The following IFT140 variants were observed in gnomAD, a reference collection of about 807,000 sequenced individuals.
IFT140 encodes the protein intraflagellar transport 140, also known as intraflagellar transport protein 140 homolog.
A neutral mutation model predicts 164.6 loss-of-function variants in IFT140; 133 were observed. The observed-to-expected ratio is 0.81, with a 90% confidence interval of 0.70 to 0.93. IFT140 has a LOEUF of 0.93. IFT140 is among the 40% of genes least tolerant of loss of function. The pLI is 0.00. For missense variants in IFT140, 2,045 were observed against 1,972.3 expected (o/e 1.04, Z -0.70); for synonymous variants, 860 against 817.3 (o/e 1.05, Z -0.89).
At chr16:1,521,129 T>A (rs2040514746) in intron 26 of IFT140, among the ~76,000 whole-genome samples, 1 of 152,206 alleles carries the variant, frequency 6.6e-6, no homozygotes, top group Non-Finnish European at 1.5e-5. Flanking sequence ...TTTTTAAAGT[T>A]AAATTTTTGA....
intron 3 of IFT140, among the ~76,000 whole-genome samples, chr16:1,605,749 G>T (rs1253791749): frequency 6.6e-6 from 1 of 152,124 alleles, no homozygotes; most frequent in Non-Finnish European, 1.5e-5. Flanking sequence ...CACCGAGAGG[G>T]TGATTATCGA....
At chr16:1,537,773 G>A (rs2031219586) in intron 19 of IFT140, among the ~76,000 whole-genome samples, 1 of 152,228 alleles carries the variant, frequency 6.6e-6, no homozygotes, top group Admixed American at 6.5e-5. Context: ...AGATGACCGT[G>A]TGATTGAATC....
intron 19 of IFT140, among the ~76,000 whole-genome samples, chr16:1,543,020 C>G (rs2031796649): frequency 6.6e-6 from 1 of 152,262 alleles, no homozygotes; most frequent in Admixed American, 6.5e-5. Context: ...GGGGGCTCTG[C>G]TGGTCTTCTG....
intron 30 of IFT140, among the ~76,000 whole-genome samples, chr16:1,513,737 G>A (rs372169911): frequency 2.0e-5 from 3 of 149,900 alleles, no homozygotes; most frequent in South Asian, 4.3e-4. Context: ...GCAGTGGTGC[G>A]ATCTCTGCTC....
At chr16:1,557,842 T>C in intron 19 of IFT140, 93 bp downstream of exon 19, 1 of 1,273,904 alleles carries the variant, frequency 7.8e-7, no homozygotes, top group Non-Finnish European at 1.1e-6. Context: ...GAGTCAAATA[T>C]TTCAACAGGC....
intron 3 of IFT140, among the ~76,000 whole-genome samples, chr16:1,605,048 A>T (rs964304719): frequency 3.3e-5 from 5 of 152,122 alleles, no homozygotes; most frequent in African/African-American, 1.2e-4. Context: ...CTCAGAGGGA[A>T]CTTCTAGGCA....
At chr16:1,602,269 T>C in intron 4 of IFT140, 101 bp downstream of exon 4, 1 of 1,021,422 alleles carries the variant, frequency 9.8e-7, no homozygotes. Context: ...ATCAACTGAA[T>C]TTGGCAACAG....
intron 11 of IFT140, among the ~76,000 whole-genome samples, 179 bp from the exon 12 acceptor site, chr16:1,583,565 A>G (rs1324013129): frequency 6.6e-6 from 1 of 151,392 alleles, no homozygotes; most frequent in Non-Finnish European, 1.5e-5. Context: ...TCCGTGTTAT[A>G]TAAGATATCC....
At chr16:1,573,484 A>G (rs980125750) in intron 13 of IFT140, among the ~76,000 whole-genome samples, 1 of 151,634 alleles carries the variant, frequency 6.6e-6, no homozygotes, top group Admixed American at 6.6e-5. Flanking sequence ...TGTATTTCCA[A>G]CTGTCTCTTA....
At position 1,553,669 on chromosome 16, in the gene IFT140, C is replaced by T. The variant is rs1021678351; in HGVS notation, c.2399+4266G>A. On this transcript the variant is annotated intron_variant, in intron 19 of 30. Coordinates refer to ENST00000426508, the MANE Select transcript of IFT140 (RefSeq NM_014714.4). The surrounding 1 kb of genome is among the most constrained non-coding windows in gnomAD (Gnocchi z 4.4). ...GGGAGGGGTGCTGGGTGGGCAGAAGCGGGGCTGGGGCTGAAGGCTGGCTGG... is the reference window on the plus strand; with the variant it reads ...GGGAGGGGTGCTGGGTGGGCAGAAGTGGGGCTGGGGCTGAAGGCTGGCTGG... 23 of 1,066,482 alleles carry T rather than the reference C, an allele frequency of 2.2e-5. No individual in the cohort carries two copies. Among genetic ancestry groups the T allele is most frequent in the South Asian group, 5.9e-5 (2 of 33,876 alleles). 66.1% of individuals were successfully genotyped at this position (1,066,482 alleles called of 1,614,324 possible). A position where few individuals can be genotyped will look rare whatever the true frequency, so the allele number is the denominator to read the frequency against.
At chr16:1,529,520 G>A (rs920406063) in intron 19 of IFT140, among the ~76,000 whole-genome samples, 2 of 152,212 alleles carry the variant, frequency 1.3e-5, no homozygotes, top group South Asian at 2.1e-4. Context: ...CCTGATCTCC[G>A]ATTCGCGCTC....
intron 19 of IFT140, among the ~76,000 whole-genome samples, chr16:1,550,564 C>T (rs1022093583): frequency 2.0e-4 from 31 of 152,252 alleles, no homozygotes; most frequent in Non-Finnish European, 4.1e-4. Flanking sequence ...AGGGACCCAG[C>T]GTCTCAGGGC....
Position 1,557,815 on chromosome 16 carries a change from C to A in IFT140, c.2399+120G>T. On this transcript the variant is annotated intron_variant, in intron 19 of 30. Transcript: ENST00000426508. ...CGAGTGGGAAGACCATGAAATACAC[C>A]ATGACGCAGTCATGAGGAGTCAAAT... The A allele has an allele frequency of 4.1e-6, 4 of 965,834 alleles. No individual in the cohort carries two copies. In the South Asian group the frequency reaches 5.9e-5, roughly 14 times the overall value. The allele number at this position is 965,834 out of a possible 1,614,324, so 59.8% of individuals were successfully genotyped here.
At chr16:1,594,192 A>G (rs139765667) in intron 4 of IFT140, among the ~76,000 whole-genome samples, 6 of 151,062 alleles carry the variant, frequency 4.0e-5, no homozygotes, top group African/African-American at 1.5e-4. Context: ...GTGCCCTAAG[A>G]TTACCTAGGT....
intron 4 of IFT140, among the ~76,000 whole-genome samples, chr16:1,593,925 G>A (rs2035321109): frequency 6.6e-6 from 1 of 152,164 alleles, no homozygotes; most frequent in African/African-American, 2.4e-5. Context: ...TACCCTCAGG[G>A]GTGGAGCATC....
intron 3 of IFT140, among the ~76,000 whole-genome samples, chr16:1,603,648 A>T (rs1011452313): frequency 6.6e-6 from 1 of 152,034 alleles, no homozygotes; most frequent in Non-Finnish European, 1.5e-5. Flanking sequence ...AAGCCCAGCT[A>T]ATTTTTGTAT....
In IFT140 at chr16:1,516,139, C is replaced by CAAAAAAAAAAAAAAAAAAAAAAA. The variant is rs869165237; in HGVS notation, c.4182+2054_4182+2076dup. ...GGCTACAAAGAGCAAAACTCTGTCT[C>CAAAAAAAAAAAAAAAAAAAAAAA]AAAAAAAAAAAAAAAAAAAAAAAAA... On this transcript the variant is annotated intron_variant, in intron 30 of 30. Transcript: ENST00000426508. Among the ~76,000 whole-genome samples the CAAAAAAAAAAAAAAAAAAAAAAA allele has an allele frequency of 2.6e-4, 12 of 45,988 alleles. 3 individuals are homozygous for CAAAAAAAAAAAAAAAAAAAAAAA. Among genetic ancestry groups the CAAAAAAAAAAAAAAAAAAAAAAA allele is most frequent in the Non-Finnish European group, 4.5e-4 (10 of 22,030 alleles). The allele number at this position is 45,988 out of a possible 152,430, so 30.2% of individuals were successfully genotyped here. A position where few individuals can be genotyped will look rare whatever the true frequency, so the allele number is the denominator to read the frequency against.
intron 20 of IFT140, 100 bp downstream of exon 20, chr16:1,526,519 G>T: frequency 8.1e-7 from 1 of 1,232,438 alleles, no homozygotes; most frequent in African/African-American, 1.5e-5. Context: ...CCACATCAGT[G>T]CAGGCTCAGG....
At chr16:1,513,405 G>A (rs2040234567) in intron 30 of IFT140, among the ~76,000 whole-genome samples, 1 of 152,010 alleles carries the variant, frequency 6.6e-6, no homozygotes, top group African/African-American at 2.4e-5. Flanking sequence ...GGAGGCTGAG[G>A]CAGGACAATT....
Sources: allele counts gnomAD v4.1 joint callset (sites outside exome capture counted in the v4.1 genomes callset), GRCh38; gene constraint gnomAD v4.1.1; non-coding constraint Gnocchi (gnomAD v3.1); transcripts MANE v1.5; gene names NCBI Gene and HGNC (gene_info 2026-07-23, HGNC 2026-07-21).